Variants in GNG7 observed in about 807,000 individuals in gnomAD.
GNG7 encodes G protein subunit gamma 7, also known as guanine nucleotide-binding protein G(I)/G(S)/G(O) subunit gamma-7.
GNG7 carries 1 observed loss-of-function variant against 4.0 expected under a neutral mutation model. The observed-to-expected ratio is 0.25, with a 90% CI of 0.09 to 1.18. GNG7 has a LOEUF of 1.18. GNG7 is among the 50% of genes most tolerant of loss of function. The pLI is 0.50. For synonymous variants in GNG7, 34 were observed against 36.9 expected, an observed-to-expected ratio of 0.92 and a Z score of 0.29; for missense variants, 86 against 91.9, an observed-to-expected ratio of 0.94 and a Z score of 0.26.
At chr19:2,520,504 CAGTT>C (rs987429863) in intron 4 of GNG7, 100 bp downstream of exon 4, 21 of 659,040 alleles carry the variant, frequency 3.2e-5, no homozygotes, top group Non-Finnish European at 5.5e-5. Flanking sequence ...GCAAGAGACA[CAGTT>C]GGGGTGCAAG....
At chr19:2,537,061 C>A (rs1265558116) in intron 3 of GNG7, among the ~76,000 whole-genome samples, 3 of 151,844 alleles carry the variant, frequency 2.0e-5, no homozygotes, top group African/African-American at 7.3e-5. Context: ...ATTCTCCTGC[C>A]TCAGCCTCCC....
At chr19:2,586,272 A>T (rs955544252) in intron 2 of GNG7, among the ~76,000 whole-genome samples, 2 of 152,190 alleles carry the variant, frequency 1.3e-5, no homozygotes, top group Admixed American at 1.3e-4. Flanking sequence ...CCCCAGCCCA[A>T]GCTGTGTGGC....
intron 3 of GNG7, among the ~76,000 whole-genome samples, chr19:2,524,659 C>T (rs903622624): frequency 1.3e-5 from 2 of 152,172 alleles, no homozygotes; most frequent in Admixed American, 1.3e-4. Flanking sequence ...TACGTGTGTG[C>T]GTCTGCATAT....
chr19:2,651,311 ATCCCTCCC>A (rs1315819817), intron 1 of GNG7, among the ~76,000 whole-genome samples: 10 of 13,898 alleles, frequency 7.2e-4, no homozygotes, highest in African/African-American at 2.3e-3. Flanking sequence ...CCTTCCCTCC[ATCCCTCCC>A]TCCCTCCCTC....
Position 2,544,994 on chromosome 19 carries a change from C to G in GNG7, c.-38+10155G>C, listed in dbSNP as rs531573048. On this transcript the variant is annotated intron_variant, in intron 3 of 4. Transcript: ENST00000382159. ...GATGGATGGTGTGAACCAGGGGGAC[C>G]CCCAACTCCTGGGATTCACCTCCTC... Among the ~76,000 whole-genome samples, 4 of 152,240 alleles carry G rather than the reference C, an allele frequency of 2.6e-5. No individual in the cohort carries two copies. The South Asian group carries it at 6.2e-4, about 24-fold the overall frequency.
At chr19:2,677,224 C>T (rs1983615773) in intron 1 of GNG7, among the ~76,000 whole-genome samples, 2 of 151,092 alleles carry the variant, frequency 1.3e-5, no homozygotes, top group Admixed American at 6.6e-5. Flanking sequence ...AATCCATCAA[C>T]AGGATGCCAC....
chr19:2,688,005 C>G (rs867030710), intron 1 of GNG7, among the ~76,000 whole-genome samples: 2 of 152,078 alleles, frequency 1.3e-5, no homozygotes, highest in Non-Finnish European at 1.5e-5. Flanking sequence ...GTAATCCCAG[C>G]ACTTTGGGAG....
At chr19:2,561,473 T>C (rs1251989472) in intron 2 of GNG7, among the ~76,000 whole-genome samples, 1 of 152,030 alleles carries the variant, frequency 6.6e-6, no homozygotes, top group East Asian at 1.9e-4. Context: ...AGGGGCCCTG[T>C]CCTCCCCTTG....
chr19:2,553,558 T>A (rs1057484226), intron 3 of GNG7, among the ~76,000 whole-genome samples: 6 of 149,418 alleles, frequency 4.0e-5, no homozygotes, highest in African/African-American at 1.5e-4. Context: ...ATATGTAATA[T>A]CACATGTAAT....
At chr19:2,581,384 A>T in intron 2 of GNG7, among the ~76,000 whole-genome samples, 1 of 151,464 alleles carries the variant, frequency 6.6e-6, no homozygotes, top group East Asian at 1.9e-4. Context: ...ACCAGCAGTC[A>T]ATTCCTTCAC....
At chr19:2,560,780 G>T (rs1358663940) in intron 2 of GNG7, among the ~76,000 whole-genome samples, 1 of 151,866 alleles carries the variant, frequency 6.6e-6, no homozygotes, top group Admixed American at 6.6e-5. Flanking sequence ...AACATGGGTA[G>T]ACCCCGTCTC....
At position 2,660,060 on chromosome 19, in the gene GNG7, G is replaced by A. The variant is rs188298184; in HGVS notation, c.-134-13780C>T. Among the ~76,000 whole-genome samples, 236 of 152,184 alleles carry A rather than the reference G, an allele frequency of 1.6e-3. 1 individual carries two copies. The highest frequency in any genetic ancestry group is 5.2e-3 in the African/African-American group (217 of 41,506). The stretch of plus-strand genomic sequence containing the variant: ...TCACCGAGGGGCCATGGCGGCGAGC[G>A]GATCACACAGCAGTCCTCATGGAAT... On this transcript the variant is annotated intron_variant, in intron 1 of 4. Transcript: ENST00000382159.
intron 3 of GNG7, among the ~76,000 whole-genome samples, chr19:2,543,221 CTT>C (rs34642408): frequency 6.5e-4 from 79 of 121,600 alleles, no homozygotes; most frequent in Admixed American, 9.5e-4. Flanking sequence ...GCCTGGCCTC[CTT>C]TTTTTTTTTT....
chr19:2,527,785 C>CCG lies in GNG7; in HGVS notation c.-37-7061_-37-7060insCG, dbSNP rs1555691019. On this transcript the variant is annotated intron_variant, in intron 3 of 4. Transcript: ENST00000382159. ...CTCCTTGCCAGGAAACCCCCCCCCC[C>CCG]ACCAGTGCGCCCACAGTCATGACCA... Among the ~76,000 whole-genome samples the CCG allele has an allele frequency of 4.7e-4, 72 of 151,704 alleles. 1 individual carries two copies. The highest frequency in any genetic ancestry group is 1.7e-3 in the African/African-American group (70 of 41,310).
At chr19:2,605,116 T>C (rs1038732524) in intron 2 of GNG7, among the ~76,000 whole-genome samples, 1 of 152,192 alleles carries the variant, frequency 6.6e-6, no homozygotes, top group Non-Finnish European at 1.5e-5. Context: ...CCTCCAGGCA[T>C]CCTCTGGCTT....
At chr19:2,545,839 C>T (rs1979106540) in intron 3 of GNG7, among the ~76,000 whole-genome samples, 2 of 151,688 alleles carry the variant, frequency 1.3e-5, no homozygotes, top group Non-Finnish European at 2.9e-5. Context: ...ACCTGTAATG[C>T]CACTACTCAG....
chr19:2,537,218 G>C (rs1022375302), intron 3 of GNG7, among the ~76,000 whole-genome samples: 2 of 151,768 alleles, frequency 1.3e-5, no homozygotes, highest in Non-Finnish European at 2.9e-5. Flanking sequence ...CAAAGTGCTG[G>C]GATTACAAGC....
In GNG7 at chr19:2,513,673, C is replaced by T. The variant is rs965227240; in HGVS notation, c.*1349G>A. The T allele has an allele frequency of 5.0e-5, 31 of 615,286 alleles. No homozygotes were observed. The highest frequency in any genetic ancestry group is 4.8e-4 in the African/African-American group (24 of 49,852). 38.1% of individuals were successfully genotyped at this position (615,286 alleles called of 1,614,324 possible). A position where few individuals can be genotyped will look rare whatever the true frequency, so the allele number is the denominator to read the frequency against. ...TCGAGCGACAGGGTAACGTTTTGAGCGGACGTTTTGATCTCCGGGACAACG... is the reference window on the plus strand; with the variant it reads ...TCGAGCGACAGGGTAACGTTTTGAGTGGACGTTTTGATCTCCGGGACAACG... On this transcript the variant is annotated 3_prime_UTR_variant, in exon 5 of 5. Coordinates refer to ENST00000382159, the MANE Select transcript of GNG7 (RefSeq NM_052847.3).
intron 3 of GNG7, among the ~76,000 whole-genome samples, chr19:2,525,970 A>ATTTTTTTTTTTTTTT (rs1568231777): frequency 3.7e-5 from 1 of 26,788 alleles, no homozygotes; most frequent in African/African-American, 2.9e-4. Context: ...CCTCCACGCC[A>ATTTTTTTTTTTTTTT]ATTTTTTTTT....
Sources: allele counts gnomAD v4.1 joint callset (sites outside exome capture counted in the v4.1 genomes callset), GRCh38; gene constraint gnomAD v4.1.1; transcripts MANE v1.5; gene names NCBI Gene and HGNC (gene_info 2026-07-23, HGNC 2026-07-21).